NPC1: variants seen among roughly 807,000 people sequenced by gnomAD.
The protein encoded by NPC1 is Niemann-Pick C1 protein.
A neutral mutation model predicts 140.4 loss-of-function variants in NPC1; 85 were observed. The observed-to-expected ratio is 0.61, with a 90% CI of 0.51 to 0.72. The LOEUF is 0.72. NPC1 is among the 30% of genes least tolerant of loss of function. The pLI is 0.00. For missense variants in NPC1, 1,504 were observed against 1,623.8 expected, an observed-to-expected ratio of 0.93 and a Z score of 1.27; for synonymous variants, 656 against 624.8, an observed-to-expected ratio of 1.05 and a Z score of -0.74.
rs2058523376 is a variant in NPC1 at position 23,531,893 on chromosome 18, A to G, written c.*309T>C. ...AGACAGTGCATTGATTGGCCTTTAC[A>G]GAGTGTCAGTGAGCGGATCACATTC... On this transcript the variant is annotated 3_prime_UTR_variant, in exon 25 of 25. Coordinates refer to ENST00000269228, the MANE Select transcript of NPC1 (RefSeq NM_000271.5). 1.4e-6 allele frequency: 2 copies of G among 1,420,492 alleles called. No homozygotes were observed. The highest frequency in any genetic ancestry group is 2.8e-5 in the Admixed American group (1 of 35,270). The allele number at this position is 1,420,492 out of a possible 1,614,324, so 88.0% of individuals were successfully genotyped here.
chr18:23,538,657 A>G lies in NPC1; in HGVS notation c.2926T>C (p.Cys976Arg). ...GGAGTCAGAGGCCTGCAGCGAACGC[A>G]GGCAGGGTCAACCACTGGCGGAGAC... ...FCNASVVDPACVRCRPLTPEG... is the reference protein window; with the variant it reads ...FCNASVVDPARVRCRPLTPEG... The change falls in exon 20 of 25, where the codon TGC (cysteine) becomes CGC (arginine). Residue 976 changes from cysteine to arginine, a missense_variant. By Grantham distance (180) the Cys-to-Arg change is radical. Transcript: ENST00000269228. 1 of 1,614,136 alleles carries G rather than the reference A, an allele frequency of 6.2e-7. No individual in the cohort carries two copies. Among genetic ancestry groups the G allele is most frequent in the Non-Finnish European group, 8.5e-7 (1 of 1,180,022 alleles).
chr18:23,515,676 G>A (rs928900087), intron 3 of NPC1, among the ~76,000 whole-genome samples: 10 of 152,194 alleles, frequency 6.6e-5, no homozygotes, highest in Non-Finnish European at 1.0e-4. Context: ...GGAATTACAG[G>A]CATGTGCCAC....
At position 23,540,417 on chromosome 18, in the gene NPC1, T is replaced by TA. The variant is rs746440359; in HGVS notation, c.2604+30dup. The TA allele has an allele frequency of 0.03, 34,931 of 1,155,032 alleles. 32 individuals carry two copies. The highest frequency in any genetic ancestry group is 0.048 in the African/African-American group (2,832 of 58,698). 71.5% of individuals were successfully genotyped at this position (1,155,032 alleles called of 1,614,324 possible). The stretch of plus-strand genomic sequence containing the variant: ...TGTATTCATCATCAGCTAAAGAAGT[T>TA]AAAAAAAAAAAAAAAAGGAAGTCAT... On this transcript the variant is annotated intron_variant, in intron 17 of 24. Transcript: ENST00000269228.
chr18:23,538,084 C>A (rs887490832), intron 20 of NPC1, among the ~76,000 whole-genome samples: 1 of 152,122 alleles, frequency 6.6e-6, no homozygotes, highest in Non-Finnish European at 1.5e-5. Context: ...AGCCCATAAC[C>A]CTATACATGG....
rs145998218 is a variant in NPC1 at position 23,552,743 on chromosome 18, G to A, written c.1554-1016C>T. Among the ~76,000 whole-genome samples the A allele has an allele frequency of 5.7e-3, 865 of 152,380 alleles. 1 individual carries two copies. Among genetic ancestry groups the A allele is most frequent in the Admixed American group, 7.6e-3 (117 of 15,312 alleles). On this transcript the variant is annotated intron_variant, in intron 9 of 24. Transcript: ENST00000269228. ...TTCTGCATATGACCCACCCGTCAGA[G>A]TGGATGGGTGACGGCATGAGGGAGG...
intron 3 of NPC1, among the ~76,000 whole-genome samples, chr18:23,511,462 C>T (rs2057855609): frequency 6.6e-6 from 1 of 152,044 alleles, no homozygotes; most frequent in African/African-American, 2.4e-5. Context: ...CACATCTATC[C>T]CTGAACCTAA....
chr18:23,561,575 A>T (rs956074144), intron 4 of NPC1, 48 bp from the exon 5 acceptor site: 4 of 1,592,438 alleles, frequency 2.5e-6, no homozygotes, highest in Non-Finnish European at 2.6e-6. Context: ...GCTTGCTGTA[A>T]TTCACGAGGC....
intron 10 of NPC1, among the ~76,000 whole-genome samples, chr18:23,549,781 G>A (rs992242331): frequency 9.8e-5 from 13 of 133,152 alleles, no homozygotes; most frequent in Admixed American, 7.5e-4. Flanking sequence ...TGCTCTTGTC[G>A]CCCAGGCTGG....
intron 18 of NPC1, 145 bp downstream of exon 18, chr18:23,539,666 G>A: frequency 1.0e-6 from 1 of 992,862 alleles, no homozygotes; most frequent in Non-Finnish European, 1.5e-6. Flanking sequence ...GTTTTTTAAG[G>A]TAAAGCCAGA....
At chr18:23,546,832 A>T (rs1213452352) in intron 11 of NPC1, among the ~76,000 whole-genome samples, 1 of 152,218 alleles carries the variant, frequency 6.6e-6, no homozygotes, top group Admixed American at 6.5e-5. Flanking sequence ...AGGGCTGTGG[A>T]TAGGAGGATG....
chr18:23,586,355 G>A lies in NPC1; in HGVS notation c.-12C>T, dbSNP rs1216492442. On this transcript the variant is annotated 5_prime_UTR_variant, in exon 1 of 25. Coordinates refer to ENST00000269228, the MANE Select transcript of NPC1 (RefSeq NM_000271.5). Reference sequence around the variant, plus strand: ...CCGCGAGCGGTCATGCTGTGGCCGCGCAAGGCTGCTGACGCCGGCGGCGTT... The same window carrying A: ...CCGCGAGCGGTCATGCTGTGGCCGCACAAGGCTGCTGACGCCGGCGGCGTT... The A allele has an allele frequency of 4.6e-6, 7 of 1,532,258 alleles. No homozygotes were observed. Among genetic ancestry groups the A allele is most frequent in the African/African-American group, 1.4e-5 (1 of 72,562 alleles). The allele number at this position is 1,532,258 out of a possible 1,614,324, so 94.9% of individuals were successfully genotyped here.
At chr18:23,562,813 C>G (rs1211422754) in intron 4 of NPC1, among the ~76,000 whole-genome samples, 2 of 151,732 alleles carry the variant, frequency 1.3e-5, no homozygotes, top group African/African-American at 4.8e-5. Context: ...ATGGCAAAAC[C>G]CCGTCTCTAC....
chr18:23,551,578 A>C (rs1473139835), intron 10 of NPC1, 49 bp downstream of exon 10: 11 of 1,390,832 alleles, frequency 7.9e-6, no homozygotes, highest in Non-Finnish European at 1.1e-5. Flanking sequence ...TAATGACAAA[A>C]CCGAGATGAC....
In NPC1 at chr18:23,533,178, C is replaced by T. The variant is rs2058565666; in HGVS notation, c.3754+177G>A. On this transcript the variant is annotated intron_variant, in intron 24 of 24. Transcript: ENST00000269228. Reference sequence around the variant, plus strand: ...TTCCTAATAAAGTAGTCTGCACCATCATGAATCCCCTGGATGGGTTTTTTC... The same window carrying T: ...TTCCTAATAAAGTAGTCTGCACCATTATGAATCCCCTGGATGGGTTTTTTC... 8.1e-6 allele frequency: 6 copies of T among 742,002 alleles called. No individual in the cohort carries two copies. The South Asian group carries it at 1.1e-4, about 14-fold the overall frequency. 46.0% of individuals were successfully genotyped at this position (742,002 alleles called of 1,614,324 possible). A position where few individuals can be genotyped will look rare whatever the true frequency, so the allele number is the denominator to read the frequency against.
intron 4 of NPC1, among the ~76,000 whole-genome samples, chr18:23,567,655 T>TC (rs1254988290): frequency 6.6e-6 from 1 of 152,228 alleles, no homozygotes; most frequent in Admixed American, 6.5e-5. Context: ...TATATGGGTC[T>TC]CCAGGTTTAT....
At chr18:23,567,386 T>G in intron 4 of NPC1, among the ~76,000 whole-genome samples, 1 of 152,298 alleles carries the variant, frequency 6.6e-6, no homozygotes, top group East Asian at 1.9e-4. Flanking sequence ...TCTAATGACA[T>G]AATGTTGAGC....
rs1555634621 is a variant in NPC1, at chr18:23,544,943, A to ACTC, written c.1947+16_1947+17insGAG. 14 of 1,032,984 alleles carry ACTC rather than the reference A, an allele frequency of 1.4e-5. No individual in the cohort carries two copies. The Admixed American group carries it at 2.5e-4, about 18-fold the overall frequency. 64.0% of individuals were successfully genotyped at this position (1,032,984 alleles called of 1,614,324 possible). A position where few individuals can be genotyped will look rare whatever the true frequency, so the allele number is the denominator to read the frequency against. On this transcript the variant is annotated intron_variant, in intron 12 of 24. Transcript: ENST00000269228. Reference sequence around the variant, plus strand: ...GCTGTTAACCTCTAGAACATACACCACCCCCCCCCGGCTTACCAGAAGCCT... The same window carrying ACTC: ...GCTGTTAACCTCTAGAACATACACCACTCCCCCCCCCCGGCTTACCAGAAGCCT...
chr18:23,519,378 C>T (rs193211425), downstream of NPC1, among the ~76,000 whole-genome samples: 204 of 152,118 alleles, frequency 1.3e-3, 1 homozygote, highest in African/African-American at 4.5e-3. Flanking sequence ...ATTAGCCGGG[C>T]GTGGTAGTGC....
At chr18:23,578,503 A>G (rs370815312) in intron 1 of NPC1, among the ~76,000 whole-genome samples, 1 of 152,166 alleles carries the variant, frequency 6.6e-6, no homozygotes, top group South Asian at 2.1e-4. Flanking sequence ...CCTTCTCACC[A>G]ACAGCTGAAA....
Sources: allele counts gnomAD v4.1 joint callset (sites outside exome capture counted in the v4.1 genomes callset), GRCh38; gene constraint gnomAD v4.1.1; transcripts MANE v1.5; gene names NCBI Gene and HGNC (gene_info 2026-07-23, HGNC 2026-07-21).